Variants in DIAPH1 observed in about 807,000 individuals in gnomAD.
The protein encoded by DIAPH1 is diaphanous related formin 1.
Under a neutral mutation model 140.7 loss-of-function variants are expected in DIAPH1, and 46 were observed. The ratio of observed to expected loss-of-function variants is 0.33; its 90% CI spans 0.26 to 0.42. DIAPH1 has a LOEUF of 0.42. Ranked by LOEUF, DIAPH1 falls within the 10% of genes least tolerant of loss-of-function variation. The probability of loss-of-function intolerance (pLI) is 1.00; values close to 1 mark genes in which losing one functional copy is unlikely to be tolerated. For synonymous variants in DIAPH1, 565 were observed against 551.6 expected (o/e 1.02, Z -0.34); for missense variants, 1,310 against 1,558.7 (o/e 0.84, Z 2.69).
chr5:141,589,995 CCCGCCT>C (rs2099898153), intron 1 of DIAPH1, among the ~76,000 whole-genome samples: 1 of 151,980 alleles, frequency 6.6e-6, no homozygotes, highest in Non-Finnish European at 1.5e-5. Flanking sequence ...AAGTGATCTG[CCCGCCT>C]CCGCCTCCTG....
chr5:141,553,728 TA>T (rs1320321802), intron 18 of DIAPH1, among the ~76,000 whole-genome samples: 1 of 151,934 alleles, frequency 6.6e-6, no homozygotes, highest in Admixed American at 6.6e-5. Context: ...AGTACCTATT[TA>T]AAAAAATTAG....
chr5:141,529,295 T>G (rs747074517), intron 20 of DIAPH1, 22 bp from the exon 21 acceptor site: 3 of 1,591,284 alleles, frequency 1.9e-6, no homozygotes, highest in Admixed American at 1.7e-5. Flanking sequence ...AAGAGACATC[T>G]CAGCTGGAGG....
chr5:141,571,387 T>C (rs2099895159), intron 18 of DIAPH1, 41 bp downstream of exon 18: 4 of 1,535,872 alleles, frequency 2.6e-6, no homozygotes, highest in African/African-American at 2.8e-5. Flanking sequence ...TTTTCTCTAA[T>C]ATTCAAGAGA....
intron 18 of DIAPH1, among the ~76,000 whole-genome samples, chr5:141,561,345 T>C (rs565065388): frequency 1.3e-5 from 2 of 151,944 alleles, no homozygotes; most frequent in East Asian, 3.9e-4. Flanking sequence ...CAATGGTACT[T>C]AGAAGTGAAA....
chr5:141,546,635 G>A (rs905581065), intron 18 of DIAPH1, among the ~76,000 whole-genome samples: 11 of 147,432 alleles, frequency 7.5e-5, no homozygotes, highest in African/African-American at 2.3e-4. Context: ...CAGCCTGGGC[G>A]ACAGAATGAG....
intron 1 of DIAPH1, among the ~76,000 whole-genome samples, chr5:141,590,906 T>A (rs1483645033): frequency 1.3e-5 from 2 of 152,134 alleles, no homozygotes; most frequent in Non-Finnish European, 2.9e-5. Context: ...CTCCCTGCCT[T>A]CAGTCCCATC....
At chr5:141,519,512 T>G (rs975823844) in intron 27 of DIAPH1, among the ~76,000 whole-genome samples, 1 of 152,144 alleles carries the variant, frequency 6.6e-6, no homozygotes, top group Admixed American at 6.5e-5. Flanking sequence ...ATGTGGTAGG[T>G]CTTTAGCTGC....
intron 27 of DIAPH1, chr5:141,518,931 GCACACAGGTT>G: frequency 1.3e-6 from 2 of 1,550,394 alleles, no homozygotes; most frequent in South Asian, 2.4e-5. Context: ...CACGCAGCAT[GCACACAGGTT>G]ACCAATTTAA....
chr5:141,519,026 C>T, intron 27 of DIAPH1: 4 of 1,547,302 alleles, frequency 2.6e-6, no homozygotes, highest in Non-Finnish European at 2.6e-6. Flanking sequence ...TAGTGAAGAC[C>T]CTGACTGACA....
Position 141,554,218 on chromosome 5 carries a change from A to G in DIAPH1, c.2482+17210T>C, listed in dbSNP as rs544871468. On this transcript the variant is annotated intron_variant, in intron 18 of 27. Coordinates refer to ENST00000389054, the MANE Select transcript of DIAPH1 (RefSeq NM_005219.5). ...CTTGAACCTGAGAGGCAGAGGTTGC[A>G]GTGAGCCGAGATTGTGCCACCGCAC... 3.9e-5 allele frequency among the ~76,000 whole-genome samples: 6 copies of G among 152,184 alleles called. No individual in the cohort carries two copies. In the East Asian group the frequency reaches 1.2e-3, roughly 29 times the overall value.
At chr5:141,582,279 T>C (rs764437659) in intron 7 of DIAPH1, 33 bp downstream of exon 7, 31 of 1,560,756 alleles carry the variant, frequency 2.0e-5, no homozygotes, top group Non-Finnish European at 2.7e-5. Context: ...GGCGTCCAGA[T>C]GGGGTTTGGA....
At position 141,580,768 on chromosome 5, in the gene DIAPH1, C is replaced by T. The variant is rs1192741843; in HGVS notation, c.800G>A (p.Cys267Tyr). The T allele has an allele frequency of 6.2e-7, 1 of 1,614,106 alleles. No individual in the cohort carries two copies. Among genetic ancestry groups the T allele is most frequent in the Non-Finnish European group, 8.5e-7 (1 of 1,180,020 alleles). Residue 267 changes from cysteine (C) to tyrosine (Y), a missense_variant, in exon 8 of 28, where the codon TGT (cysteine) becomes TAT (tyrosine). Around this residue, in one of 3 missense-constraint regions of DIAPH1, gnomAD observed 377 missense variants for 497.1 expected, o/e 0.76. Coordinates refer to ENST00000389054, the MANE Select transcript of DIAPH1 (RefSeq NM_005219.5). ...CATGTCCTCTGGCTGCGGTAGAATA[C>T]AAAGAGCAGAAAGCAGCTTAGCTGC... ...IDAAKLLSAL[C>Y]ILPQPEDMNE...
At chr5:141,610,274 G>C (rs2154597309) in intron 1 of DIAPH1, among the ~76,000 whole-genome samples, 1 of 152,132 alleles carries the variant, frequency 6.6e-6, no homozygotes, top group East Asian at 1.9e-4. Flanking sequence ...TAGGATTACA[G>C]GCACCCACCA....
intron 27 of DIAPH1, among the ~76,000 whole-genome samples, chr5:141,519,249 T>C (rs1437742021): frequency 6.6e-6 from 1 of 152,178 alleles, no homozygotes; most frequent in Non-Finnish European, 1.5e-5. Context: ...CCTCCTACAT[T>C]TCCACTCTCT....
chr5:141,572,705 T>G (rs1163810220), intron 16 of DIAPH1, among the ~76,000 whole-genome samples: 1 of 150,924 alleles, frequency 6.6e-6, no homozygotes, highest in African/African-American at 2.4e-5. Flanking sequence ...GAGGCTGAGG[T>G]TGCAGTGAGC....
intron 18 of DIAPH1, among the ~76,000 whole-genome samples, chr5:141,544,535 C>A (rs1596352967): frequency 6.6e-6 from 1 of 151,902 alleles, no homozygotes; most frequent in East Asian, 1.9e-4. Flanking sequence ...AGAAAACAAC[C>A]CAATTTTAAA....
intron 18 of DIAPH1, among the ~76,000 whole-genome samples, chr5:141,569,469 A>G (rs540569456): frequency 6.6e-6 from 1 of 152,350 alleles, no homozygotes; most frequent in Non-Finnish European, 1.5e-5. Flanking sequence ...ACTTTTAAAA[A>G]GTAGTAAGGA....
intron 18 of DIAPH1, chr5:141,536,079 C>T (rs1249125569): frequency 4.4e-6 from 2 of 454,632 alleles, no homozygotes; most frequent in East Asian, 1.5e-4. Flanking sequence ...GTGGGCAGAT[C>T]ACTTGAGCTC....
chr5:141,617,094 T>G (rs2099902801), intron 1 of DIAPH1, among the ~76,000 whole-genome samples: 1 of 151,956 alleles, frequency 6.6e-6, no homozygotes, highest in East Asian at 1.9e-4. Context: ...GGAATTTGGG[T>G]GAGGAAGGTC....
Sources: allele counts gnomAD v4.1 joint callset (sites outside exome capture counted in the v4.1 genomes callset), GRCh38; gene constraint gnomAD v4.1.1; regional missense constraint gnomAD v4.1.1; transcripts MANE v1.5; gene names NCBI Gene and HGNC (gene_info 2026-07-23, HGNC 2026-07-21).